Variants in EXT1 observed in about 807,000 individuals in gnomAD.
The protein encoded by EXT1 is exostosin-1.
In EXT1, 20 loss-of-function variants were observed where a neutral mutation model predicts 82.5. The ratio of observed to expected loss-of-function variants is 0.24; its 90% CI spans 0.17 to 0.35. The LOEUF is 0.35. Among genes scored for constraint, EXT1 ranks in the 10% least tolerant of loss-of-function variants. EXT1 has a pLI of 1.00. For missense variants in EXT1, 757 were observed against 936.5 expected (o/e 0.81, Z 2.50); for synonymous variants, 348 against 350.8 (o/e 0.99, Z 0.09).
chr8:117,896,118 C>T (rs1045400220), intron 1 of EXT1, among the ~76,000 whole-genome samples: 1 of 152,174 alleles, frequency 6.6e-6, no homozygotes, highest in Non-Finnish European at 1.5e-5. Flanking sequence ...ACAGAAAACA[C>T]ATATTCTAAG....
chr8:117,911,664 A>G (rs1396000618), intron 1 of EXT1, among the ~76,000 whole-genome samples: 2 of 152,196 alleles, frequency 1.3e-5, no homozygotes, highest in African/African-American at 4.8e-5. Flanking sequence ...GCGAGCTTGT[A>G]AAAAGCAGTC....
chr8:118,053,623 G>A (rs924719708), intron 1 of EXT1, among the ~76,000 whole-genome samples: 3 of 152,252 alleles, frequency 2.0e-5, no homozygotes, highest in Non-Finnish European at 4.4e-5. Context: ...AATAAAGGAG[G>A]AGTAATGCTG....
At chr8:118,074,457 G>A (rs1817166940) in intron 1 of EXT1, among the ~76,000 whole-genome samples, 2 of 152,214 alleles carry the variant, frequency 1.3e-5, no homozygotes, top group Non-Finnish European at 2.9e-5. Context: ...CTGAGCTGTG[G>A]TGCAGGCAGA....
At chr8:118,098,250 G>A (rs1029341203) in intron 1 of EXT1, among the ~76,000 whole-genome samples, 2 of 152,154 alleles carry the variant, frequency 1.3e-5, no homozygotes, top group African/African-American at 4.8e-5. Context: ...CCCCCGCTAG[G>A]AGTGTGAAAT....
intron 1 of EXT1, among the ~76,000 whole-genome samples, chr8:117,979,961 C>A (rs1217399649): frequency 6.6e-6 from 1 of 152,188 alleles, no homozygotes; most frequent in Non-Finnish European, 1.5e-5. Flanking sequence ...CAATGATGAA[C>A]TGGGACAGGA....
At chr8:117,835,852 GT>G (rs2129787647) in intron 2 of EXT1, among the ~76,000 whole-genome samples, 1 of 152,326 alleles carries the variant, frequency 6.6e-6, no homozygotes, top group African/African-American at 2.4e-5. Flanking sequence ...TGCTGGAGAA[GT>G]TTTTATTGAC....
At chr8:118,082,505 C>CA in intron 1 of EXT1, among the ~76,000 whole-genome samples, 1 of 152,244 alleles carries the variant, frequency 6.6e-6, no homozygotes, top group East Asian at 1.9e-4. Context: ...CTTTCCCCAT[C>CA]ATACTAATAC....
chr8:117,827,552 T>C (rs1022091911), intron 4 of EXT1, among the ~76,000 whole-genome samples: 1 of 152,002 alleles, frequency 6.6e-6, no homozygotes, highest in Non-Finnish European at 1.5e-5. Context: ...TGGTGGCTCA[T>C]GCCTGTAATC....
At chr8:118,099,596 G>A (rs1817680976) in intron 1 of EXT1, among the ~76,000 whole-genome samples, 1 of 152,204 alleles carries the variant, frequency 6.6e-6, no homozygotes, top group African/African-American at 2.4e-5. Flanking sequence ...TCAAAAGTCA[G>A]AGGGCCTCAG....
chr8:117,855,243 T>G (rs557309887), intron 1 of EXT1, among the ~76,000 whole-genome samples: 1 of 152,340 alleles, frequency 6.6e-6, no homozygotes, highest in East Asian at 1.9e-4. Flanking sequence ...TTCACTTTAT[T>G]GCACTTTGCA....
At chr8:117,959,355 C>G (rs948596473) in intron 1 of EXT1, among the ~76,000 whole-genome samples, 3 of 152,240 alleles carry the variant, frequency 2.0e-5, no homozygotes, top group Non-Finnish European at 2.9e-5. Context: ...CCATCACTCG[C>G]TTCTGCTTCA....
At chr8:118,006,123 T>C (rs1265353062) in intron 1 of EXT1, among the ~76,000 whole-genome samples, 1 of 152,190 alleles carries the variant, frequency 6.6e-6, no homozygotes, top group African/African-American at 2.4e-5. Context: ...TGGAAAGCAA[T>C]TCCTTATTCC....
rs1391879741 is a variant in EXT1 at position 117,819,779 on chromosome 8, G to A, written c.1433C>T (p.Ser478Phe). 1 of 1,613,428 alleles carries A rather than the reference G, an allele frequency of 6.2e-7. No individual in the cohort carries two copies. The highest frequency in any genetic ancestry group is 1.3e-5 in the African/African-American group (1 of 74,916). The change falls in exon 6 of 11, where the codon TCC becomes TTC. Residue 478 changes from serine (S) to phenylalanine (F), a missense_variant. Physicochemically the swap from Ser to Phe is radical, Grantham distance 155. Transcript: ENST00000378204. ...YYANLGLKPP[S>F]KFTAVIHAVT... is the part of the protein sequence containing the mutation. ...CGCATGGATGACTGCAGTGAATTTGGAGGGGGGCTTTAAACCTGAAATAAA... is the reference window on the plus strand; with the variant it reads ...CGCATGGATGACTGCAGTGAATTTGAAGGGGGGCTTTAAACCTGAAATAAA...
At chr8:118,047,911 T>G (rs761246469) in intron 1 of EXT1, among the ~76,000 whole-genome samples, 1 of 151,984 alleles carries the variant, frequency 6.6e-6, no homozygotes, top group Non-Finnish European at 1.5e-5. Flanking sequence ...AGCATGGTGA[T>G]GCACACCTGT....
chr8:117,811,485 T>C (rs1182816723), intron 8 of EXT1, among the ~76,000 whole-genome samples: 1 of 152,176 alleles, frequency 6.6e-6, no homozygotes, highest in African/African-American at 2.4e-5. Flanking sequence ...CAAGTATTTA[T>C]AGAGCTTCGG....
intron 1 of EXT1, among the ~76,000 whole-genome samples, chr8:118,039,096 T>C (rs1029388696): frequency 2.0e-5 from 3 of 152,228 alleles, no homozygotes; most frequent in Non-Finnish European, 4.4e-5. Flanking sequence ...TCCAGTCACC[T>C]GGGACACTCA....
intron 5 of EXT1, 54 bp downstream of exon 5, chr8:117,822,411 T>G: frequency 6.2e-7 from 1 of 1,601,154 alleles, no homozygotes; most frequent in Non-Finnish European, 8.5e-7. Context: ...CCTTTAGTTC[T>G]GTATGACATC....
intron 10 of EXT1, among the ~76,000 whole-genome samples, chr8:117,801,843 G>T (rs1317801396): frequency 1.3e-5 from 2 of 152,064 alleles, no homozygotes; most frequent in Admixed American, 6.5e-5. Flanking sequence ...ATTCCCAAAG[G>T]GTGCTGTACC....
chr8:117,829,602 T>A (rs1177926201), intron 4 of EXT1, among the ~76,000 whole-genome samples: 3 of 137,980 alleles, frequency 2.2e-5, no homozygotes, highest in African/African-American at 7.7e-5. Context: ...AGGTGGAGTT[T>A]TGCTCTTGTT....
Sources: allele counts gnomAD v4.1 joint callset (sites outside exome capture counted in the v4.1 genomes callset), GRCh38; gene constraint gnomAD v4.1.1; transcripts MANE v1.5; gene names NCBI Gene and HGNC (gene_info 2026-07-23, HGNC 2026-07-21).